The following BRD10 variants were observed in gnomAD, a reference collection of about 807,000 sequenced individuals.
BRD10 encodes uncharacterized bromodomain-containing protein 10.
At chr9:5,946,485 G>A in the BRD10 span, among the ~76,000 whole-genome samples, 2 of 152,126 alleles carry the variant, frequency 1.3e-5, no homozygotes, top group Middle Eastern at 3.4e-3. Context: ...ACTAGAGAGC[G>A]TCTTCAACTT....
the BRD10 span, among the ~76,000 whole-genome samples, chr9:5,934,701 T>C: frequency 7.2e-5 from 11 of 152,206 alleles, no homozygotes; most frequent in African/African-American, 2.6e-4. Context: ...AAATACCTTT[T>C]AGAAAAGCTA....
chr9:6,005,721 A>G, the BRD10 span, among the ~76,000 whole-genome samples: 2 of 152,240 alleles, frequency 1.3e-5, no homozygotes, highest in African/African-American at 4.8e-5. Context: ...ACTTCAAAAT[A>G]ATAACGTGAA....
At chr9:5,968,617 C>A in the BRD10 span, 8 of 1,613,864 alleles carry the variant, frequency 5.0e-6, no homozygotes, top group African/African-American at 9.3e-5. Flanking sequence ...TATTTTCCTG[C>A]TCTTTCTTGA....
the BRD10 span, among the ~76,000 whole-genome samples, chr9:5,915,312 G>A: frequency 2.6e-5 from 4 of 151,998 alleles, no homozygotes; most frequent in Non-Finnish European, 5.9e-5. Flanking sequence ...GGTGAATGAT[G>A]GCAGCTACTA....
At chr9:5,979,715 ATCTT>A in the BRD10 span, among the ~76,000 whole-genome samples, 1 of 151,984 alleles carries the variant, frequency 6.6e-6, no homozygotes, top group South Asian at 2.1e-4. Flanking sequence ...ATTTTATTTT[ATCTT>A]TTAAGTATCT....
chr9:5,956,751 CTACTT>C, the BRD10 span, among the ~76,000 whole-genome samples: 1 of 152,138 alleles, frequency 6.6e-6, no homozygotes, highest in Non-Finnish European at 1.5e-5. Context: ...AACTACCACT[CTACTT>C]TGTACACAAA....
At chr9:6,007,581 G>T in the BRD10 span, 1 of 1,609,258 alleles carries the variant, frequency 6.2e-7, no homozygotes, top group Non-Finnish European at 8.5e-7. Flanking sequence ...GCTCCTTGCA[G>T]CAACCGCCTC....
At chr9:5,990,084 A>G in the BRD10 span, among the ~76,000 whole-genome samples, 2 of 152,226 alleles carry the variant, frequency 1.3e-5, no homozygotes, top group Non-Finnish European at 2.9e-5. Context: ...TTGGTTTTCC[A>G]AAAATACTGA....
At chr9:5,884,064 C>G in the BRD10 span, among the ~76,000 whole-genome samples, 1 of 152,194 alleles carries the variant, frequency 6.6e-6, no homozygotes, top group South Asian at 2.1e-4. Context: ...AAATCAGAAC[C>G]CAGAGCGCAG....
chr9:5,992,177 T>C, the BRD10 span, among the ~76,000 whole-genome samples: 1,175 of 152,324 alleles, frequency 7.7e-3, 5 homozygotes, highest in African/African-American at 0.025. Context: ...TACTATTTTT[T>C]TGGTAATTAT....
the BRD10 span, among the ~76,000 whole-genome samples, chr9:5,982,588 G>A: frequency 9.2e-4 from 140 of 152,266 alleles, no homozygotes; most frequent in African/African-American, 3.3e-3. Flanking sequence ...TGCAGTTTCG[G>A]GACTCTGCAG....
the BRD10 span, among the ~76,000 whole-genome samples, chr9:5,951,087 A>C: frequency 2.0e-5 from 3 of 147,884 alleles, no homozygotes; most frequent in South Asian, 2.2e-4. Flanking sequence ...CCCCCACCCC[A>C]CCCTGCCACA....
At chr9:5,988,422 C>A in the BRD10 span, 5 of 1,613,912 alleles carry the variant, frequency 3.1e-6, no homozygotes, top group Non-Finnish European at 4.2e-6. Flanking sequence ...CTCCACTTGT[C>A]AAGCCTGCCA....
chr9:6,000,722 A>G, the BRD10 span, among the ~76,000 whole-genome samples: 3 of 152,200 alleles, frequency 2.0e-5, no homozygotes, highest in Non-Finnish European at 4.4e-5. Context: ...TTATTCCAGA[A>G]TAAATTCTTT....
the BRD10 span, among the ~76,000 whole-genome samples, chr9:5,976,301 T>C: frequency 6.6e-6 from 1 of 152,240 alleles, no homozygotes; most frequent in African/African-American, 2.4e-5. Context: ...ACCATGAAAC[T>C]GAATTTCTCT....
chr9:5,964,461 C>T, the BRD10 span, among the ~76,000 whole-genome samples: 1 of 148,586 alleles, frequency 6.7e-6, no homozygotes, highest in Admixed American at 6.7e-5. Context: ...GTTGGTGGGA[C>T]TGTAAACTAG....
the BRD10 span, among the ~76,000 whole-genome samples, chr9:5,993,970 A>T: frequency 6.6e-6 from 1 of 152,222 alleles, no homozygotes; most frequent in Non-Finnish European, 1.5e-5. Context: ...TTTGATAGAT[A>T]AGCATCATTC....
At chr9:5,946,029 G>A in the BRD10 span, among the ~76,000 whole-genome samples, 1 of 152,022 alleles carries the variant, frequency 6.6e-6, no homozygotes, top group South Asian at 2.1e-4. Context: ...TCTGTTAGAA[G>A]AGCAAACAAA....
chr9:5,979,853 T>C, the BRD10 span, among the ~76,000 whole-genome samples: 1 of 151,398 alleles, frequency 6.6e-6, no homozygotes, highest in Non-Finnish European at 1.5e-5. Context: ...CCATCTCTAC[T>C]AAAAATACAA....
Sources: gnomAD v4.1 joint callset for allele counts (sites outside exome capture counted in the v4.1 genomes callset) on GRCh38, gnomAD v4.1.1 for gene constraint, MANE v1.5 for transcripts, NCBI Gene and HGNC (gene_info 2026-07-23, HGNC 2026-07-21) for gene names.